Variants in TTPAL observed in about 807,000 individuals in gnomAD.
TTPAL encodes the protein alpha tocopherol transfer protein like.
In TTPAL, 21 loss-of-function variants were observed where a neutral mutation model predicts 28.7. The observed-to-expected ratio is 0.73, with a 90% confidence interval of 0.52 to 1.06. The LOEUF is 1.06. TTPAL is among the 50% of genes least tolerant of loss of function. The pLI is 0.00. For missense variants in TTPAL, 345 were observed against 425.5 expected, an observed-to-expected ratio of 0.81 and a Z score of 1.67; for synonymous variants, 169 against 171.9, an observed-to-expected ratio of 0.98 and a Z score of 0.13.
At chr20:44,487,356 T>C (rs1192719544) in intron 4 of TTPAL, among the ~76,000 whole-genome samples, 10 of 152,098 alleles carry the variant, frequency 6.6e-5, no homozygotes, top group Admixed American at 5.9e-4. Flanking sequence ...GTGGGAGGAC[T>C]GCTTGAGCTC....
At chr20:44,476,669 C>T (rs957428305) in intron 1 of TTPAL, among the ~76,000 whole-genome samples, 1 of 152,212 alleles carries the variant, frequency 6.6e-6, no homozygotes, top group Non-Finnish European at 1.5e-5. Flanking sequence ...CACCAAATAA[C>T]GTGAAGATTA....
intron 2 of TTPAL, among the ~76,000 whole-genome samples, chr20:44,482,148 G>A (rs960560990): frequency 2.4e-4 from 36 of 152,294 alleles, no homozygotes; most frequent in African/African-American, 7.7e-4. Flanking sequence ...TTTGAGACAT[G>A]TGATTGAAAG....
At chr20:44,476,797 C>T (rs992061907) in intron 1 of TTPAL, among the ~76,000 whole-genome samples, 7 of 152,218 alleles carry the variant, frequency 4.6e-5, no homozygotes, top group Admixed American at 1.3e-4. Flanking sequence ...GTATTGTTTG[C>T]GTCTGTGTTC....
intron 2 of TTPAL, among the ~76,000 whole-genome samples, chr20:44,483,903 C>T (rs2064128732): frequency 1.3e-5 from 2 of 152,118 alleles, no homozygotes; most frequent in Non-Finnish European, 2.9e-5. Context: ...AGAGATCCTC[C>T]CACCTCAGTC....
chr20:44,494,098 A>AGTTT lies in TTPAL; in HGVS notation c.*4559_*4560insTTGT, dbSNP rs1411648734. 1 of 146,174 alleles carries AGTTT rather than the reference A, an allele frequency of 6.8e-6. No individual in the cohort carries two copies. Among genetic ancestry groups the AGTTT allele is most frequent in the East Asian group, 1.9e-4 (1 of 5,242 alleles). The allele number at this position is 146,174 out of a possible 1,614,324, so 9.1% of individuals were successfully genotyped here. ...AGAGAAATGGTTTGCTTAAAATGCTAGTAACAAACATCACAGTCAACAGGA... is the reference window on the plus strand; with the variant it reads ...AGAGAAATGGTTTGCTTAAAATGCTAGTTTGTAACAAACATCACAGTCAACAGGA... On this transcript the variant is annotated 3_prime_UTR_variant, in exon 5 of 5. Coordinates refer to ENST00000262605, the MANE Select transcript of TTPAL (RefSeq NM_001039199.3).
At chr20:44,485,655 A>C (rs574466109) in intron 3 of TTPAL, 5 of 152,348 alleles carry the variant, frequency 3.3e-5, no homozygotes, top group African/African-American at 1.2e-4. Flanking sequence ...GCTTTGAGCC[A>C]ACCCTGGCTT....
Position 44,489,247 on chromosome 20 carries a change from T to C in TTPAL, c.751-16T>C, listed in dbSNP as rs774470654. 2 of 1,606,544 alleles carry C rather than the reference T, an allele frequency of 1.2e-6. No individual in the cohort carries two copies. Among genetic ancestry groups the C allele is most frequent in the Non-Finnish European group, 1.7e-6 (2 of 1,174,178 alleles). On this transcript the variant is annotated splice_polypyrimidine_tract_variant and intron_variant, in intron 4 of 4. Transcript: ENST00000262605. ...TAACCTAAGGACATGTGTGTTTTCA[T>C]TTCATTCCCTTTTAGTTCTTCCTCC...
At chr20:44,479,392 CTGAGT>C (rs1022929607) in intron 1 of TTPAL, among the ~76,000 whole-genome samples, 6 of 137,062 alleles carry the variant, frequency 4.4e-5, no homozygotes, top group Non-Finnish European at 7.9e-5. Flanking sequence ...CAATCTGAAT[CTGAGT>C]TGTTTTTTTT....
chr20:44,480,441 C>G lies in TTPAL; in HGVS notation c.442C>G (p.Pro148Ala). The G allele has an allele frequency of 6.3e-7, 1 of 1,595,778 alleles. No homozygotes were observed. The highest frequency in any genetic ancestry group is 8.5e-7 in the Non-Finnish European group (1 of 1,169,792). ...GGGCTGCCATGTCGTCTGCATCCGC[C>G]CAGGTATCTCCCTAGACTGTTGTGG... Reference protein sequence around the residue: ...PRGCHVVCIRPDRWIPSNYPI... With the variant: ...PRGCHVVCIRADRWIPSNYPI... Residue 148 changes from proline (P) to alanine (A), a missense_variant, in exon 2 of 5, where the codon CCA becomes GCA. Physicochemically the swap from Pro to Ala is conservative, Grantham distance 27 (BLOSUM62 -1). Transcript: ENST00000262605. The surrounding 1 kb of genome is among the most constrained non-coding windows in gnomAD (Gnocchi z 4.1).
chr20:44,485,943 CCT>C (rs1000104577), intron 3 of TTPAL: 4 of 152,132 alleles, frequency 2.6e-5, no homozygotes, highest in African/African-American at 9.7e-5. Context: ...GCTGTGGAGC[CCT>C]GTTTTATATA....
intron 4 of TTPAL, among the ~76,000 whole-genome samples, 163 bp from the exon 5 acceptor site, chr20:44,489,100 A>G (rs1271654273): frequency 1.3e-5 from 2 of 152,212 alleles, no homozygotes; most frequent in Non-Finnish European, 2.9e-5. Flanking sequence ...AAGAGAATTA[A>G]GGATACTCCA....
At position 44,490,314 on chromosome 20, in the gene TTPAL, C is replaced by A. The variant is rs1476471744; in HGVS notation, c.*773C>A. 1 of 152,442 alleles carries A rather than the reference C, an allele frequency of 6.6e-6. No homozygotes were observed. Among genetic ancestry groups the A allele is most frequent in the Middle Eastern group, 3.4e-3 (1 of 294 alleles). The allele number at this position is 152,442 out of a possible 1,614,324, so 9.4% of individuals were successfully genotyped here. ...AACCTAAAATGCTGGATCCCAGGCCCGTGTAGCTATAAGAATTCTGGCCTG... is the reference window on the plus strand; with the variant it reads ...AACCTAAAATGCTGGATCCCAGGCCAGTGTAGCTATAAGAATTCTGGCCTG... On this transcript the variant is annotated 3_prime_UTR_variant, in exon 5 of 5. Coordinates refer to ENST00000262605, the MANE Select transcript of TTPAL (RefSeq NM_001039199.3).
chr20:44,484,427 A>G lies in TTPAL; in HGVS notation c.536A>G (p.Gln179Arg). ...AAACTCATTCAGTCTGAAGAAACCC[A>G]GGTGAATGGAATTGTAATTCTTGCA... ...LEKLIQSEET[Q>R]VNGIVILADY... Residue 179 changes from glutamine (Q) to arginine (R), a missense_variant, in exon 3 of 5, where the codon CAG (glutamine) becomes CGG (arginine). Transcript: ENST00000262605. 6.2e-7 allele frequency: 1 copy of G among 1,608,082 alleles called. No homozygotes were observed. Among genetic ancestry groups the G allele is most frequent in the Non-Finnish European group, 8.5e-7 (1 of 1,174,864 alleles).
chr20:44,481,188 C>T (rs1800740082), intron 2 of TTPAL, among the ~76,000 whole-genome samples: 1 of 152,114 alleles, frequency 6.6e-6, no homozygotes, highest in African/African-American at 2.4e-5. Context: ...GATTAGGATA[C>T]CTTACATTTC....
chr20:44,489,553 G>A lies in TTPAL; in HGVS notation c.*12G>A. The A allele has an allele frequency of 6.2e-7, 1 of 1,607,658 alleles. No individual in the cohort carries two copies. The highest frequency in any genetic ancestry group is 8.5e-7 in the Non-Finnish European group (1 of 1,175,886). On this transcript the variant is annotated 3_prime_UTR_variant, in exon 5 of 5. Transcript: ENST00000262605. ...ACTCCTGCTACTAGCCCGTCCCCCAGGGTCACCATCTTTAATTCTTTTCCT... is the reference window on the plus strand; with the variant it reads ...ACTCCTGCTACTAGCCCGTCCCCCAAGGTCACCATCTTTAATTCTTTTCCT...
In TTPAL at chr20:44,486,249, T is replaced by C. The variant is rs1310509790; in HGVS notation, c.640-347T>C. The C allele has an allele frequency of 3.1e-5, 5 of 160,538 alleles. 1 individual carries two copies. The South Asian group carries it at 7.0e-4, about 23-fold the overall frequency. The allele number at this position is 160,538 out of a possible 1,614,324, so 9.9% of individuals were successfully genotyped here. On this transcript the variant is annotated intron_variant, in intron 3 of 4. Transcript: ENST00000262605. Reference sequence around the variant, plus strand: ...GACACGTGCCACCATGCCCAGCTAATTTTTGTATTTTTAGTGGAGATGGGA... The same window carrying C: ...GACACGTGCCACCATGCCCAGCTAACTTTTGTATTTTTAGTGGAGATGGGA...
Position 44,480,237 on chromosome 20 carries a change from T to C in TTPAL, c.238T>C (p.Phe80Leu). ...CCTGAGCACATCCCTCGACGATGCC[T>C]TCCTGCTGCGCTTCCTCCGAGCCCG... ...PNLSTSLDDA[F>L]LLRFLRARKF... is the part of the protein sequence containing the mutation. Residue 80 changes from phenylalanine to leucine, a missense_variant, in exon 2 of 5, where the codon TTC becomes CTC. Physicochemically the swap from Phe to Leu is conservative, Grantham distance 22. Coordinates refer to ENST00000262605, the MANE Select transcript of TTPAL (RefSeq NM_001039199.3). The surrounding 1 kb of genome is among the most constrained non-coding windows in gnomAD (Gnocchi z 4.1). 6.2e-7 allele frequency: 1 copy of C among 1,614,162 alleles called. No individual in the cohort carries two copies. Among genetic ancestry groups the C allele is most frequent in the Non-Finnish European group, 8.5e-7 (1 of 1,180,018 alleles).
intron 2 of TTPAL, among the ~76,000 whole-genome samples, chr20:44,482,709 G>A (rs2064117557): frequency 1.3e-5 from 2 of 152,080 alleles, no homozygotes; most frequent in Admixed American, 6.5e-5. Context: ...AGTAAAAAGT[G>A]GGCATTCTCA....
intron 4 of TTPAL, among the ~76,000 whole-genome samples, 174 bp from the exon 5 acceptor site, chr20:44,489,089 A>C (rs2064179053): frequency 6.6e-6 from 1 of 152,194 alleles, no homozygotes; most frequent in South Asian, 2.1e-4. Flanking sequence ...GGTATAAGGA[A>C]AAGAGAATTA....
Sources: gnomAD v4.1 joint callset for allele counts (sites outside exome capture counted in the v4.1 genomes callset) on GRCh38, gnomAD v4.1.1 for gene constraint, Gnocchi (gnomAD v3.1) non-coding constraint, MANE v1.5 for transcripts, NCBI Gene and HGNC (gene_info 2026-07-23, HGNC 2026-07-21) for gene names.